HPSE2: variants seen among roughly 807,000 people sequenced by gnomAD.
HPSE2 encodes heparanase 2 (inactive).
A neutral mutation model predicts 60.5 loss-of-function variants in HPSE2; 38 were observed. The observed-to-expected ratio is 0.63, with a 90% CI of 0.48 to 0.82. The LOEUF (loss-of-function observed/expected upper bound fraction) is 0.82, where lower values mean the gene tolerates loss of function less well. HPSE2 is among the 40% of genes least tolerant of loss of function. The pLI is 0.00. For missense variants in HPSE2, 713 were observed against 740.4 expected, an observed-to-expected ratio of 0.96 and a Z score of 0.43; for synonymous variants, 295 against 293.2, an observed-to-expected ratio of 1.01 and a Z score of -0.06.
intron 7 of HPSE2, among the ~76,000 whole-genome samples, 191 bp downstream of exon 7, chr10:98,641,656 A>G (rs1946639991): frequency 6.6e-6 from 1 of 152,092 alleles, no homozygotes; most frequent in Admixed American, 6.6e-5. Flanking sequence ...GACCCTTTTC[A>G]ATTTGAAAAA....
intron 2 of HPSE2, among the ~76,000 whole-genome samples, chr10:99,202,661 T>C (rs1212875884): frequency 6.6e-6 from 1 of 152,096 alleles, no homozygotes; most frequent in Non-Finnish European, 1.5e-5. Context: ...GAGGATTAAA[T>C]GAGATAAAAT....
At chr10:99,027,831 T>G (rs903275582) in intron 3 of HPSE2, among the ~76,000 whole-genome samples, 3 of 152,210 alleles carry the variant, frequency 2.0e-5, no homozygotes, top group African/African-American at 7.2e-5. Flanking sequence ...AATTTATCCC[T>G]GGGATGCAAG....
At chr10:98,574,067 C>A (rs1481847324) in intron 9 of HPSE2, among the ~76,000 whole-genome samples, 1 of 151,940 alleles carries the variant, frequency 6.6e-6, no homozygotes, top group Non-Finnish European at 1.5e-5. Flanking sequence ...CCCCTCACGC[C>A]TAGGAAACTA....
intron 3 of HPSE2, among the ~76,000 whole-genome samples, chr10:99,105,065 A>T (rs1308374867): frequency 1.3e-5 from 2 of 151,836 alleles, no homozygotes; most frequent in African/African-American, 2.4e-5. Context: ...ATATAATAAA[A>T]AAAAAAAAAA....
At chr10:98,697,374 C>G (rs532285196) in intron 5 of HPSE2, among the ~76,000 whole-genome samples, 34 of 152,260 alleles carry the variant, frequency 2.2e-4, no homozygotes, top group African/African-American at 7.5e-4. Context: ...CAAGCATCAA[C>G]AGCCAAATCA....
At chr10:98,788,716 G>A (rs555868879) in intron 3 of HPSE2, among the ~76,000 whole-genome samples, 2 of 151,940 alleles carry the variant, frequency 1.3e-5, no homozygotes, top group South Asian at 2.1e-4. Context: ...TTCCAGGTGC[G>A]TCCGTCACCC....
chr10:98,946,977 CA>C (rs1278650117), intron 3 of HPSE2, among the ~76,000 whole-genome samples: 1 of 150,368 alleles, frequency 6.7e-6, no homozygotes, highest in Non-Finnish European at 1.5e-5. Flanking sequence ...TGTTAAAGTG[CA>C]ATACCAGAAA....
intron 8 of HPSE2, among the ~76,000 whole-genome samples, chr10:98,619,317 G>T (rs570515117): frequency 6.6e-6 from 1 of 152,310 alleles, no homozygotes; most frequent in African/African-American, 2.4e-5. Context: ...GTTTGTCCCT[G>T]CCACATGACA....
chr10:99,206,642 A>G (rs1000077457), intron 2 of HPSE2, among the ~76,000 whole-genome samples: 1 of 152,096 alleles, frequency 6.6e-6, no homozygotes, highest in Non-Finnish European at 1.5e-5. Flanking sequence ...TCCAGGGTCA[A>G]TGGTAAAAAG....
intron 3 of HPSE2, among the ~76,000 whole-genome samples, chr10:98,753,758 C>T (rs1210847594): frequency 6.6e-6 from 1 of 152,126 alleles, no homozygotes; most frequent in Non-Finnish European, 1.5e-5. Context: ...TGAGCCTCGG[C>T]CCCTGAAATC....
At chr10:99,072,586 T>C (rs1487351801) in intron 3 of HPSE2, among the ~76,000 whole-genome samples, 1 of 151,606 alleles carries the variant, frequency 6.6e-6, no homozygotes, top group Non-Finnish European at 1.5e-5. Flanking sequence ...GAAATGCAAA[T>C]CAAAACCATA....
chr10:99,216,400 G>A (rs1849128620), intron 2 of HPSE2, among the ~76,000 whole-genome samples: 1 of 151,954 alleles, frequency 6.6e-6, no homozygotes, highest in East Asian at 1.9e-4. Context: ...TCTCCATATT[G>A]GCCAGGCTTG....
intron 9 of HPSE2, among the ~76,000 whole-genome samples, chr10:98,539,036 C>T (rs1239086646): frequency 6.6e-6 from 1 of 152,212 alleles, no homozygotes; most frequent in African/African-American, 2.4e-5. Context: ...AATCAGAATA[C>T]TGTTCTCCAG....
At chr10:99,012,524 C>T (rs1440113917) in intron 3 of HPSE2, among the ~76,000 whole-genome samples, 1 of 151,836 alleles carries the variant, frequency 6.6e-6, no homozygotes. Context: ...CACCTAACAC[C>T]AATGCCAGTA....
chr10:98,590,386 G>A (rs1489012778), intron 9 of HPSE2, among the ~76,000 whole-genome samples: 10 of 152,202 alleles, frequency 6.6e-5, no homozygotes, highest in East Asian at 3.8e-4. Flanking sequence ...AGCTTGCACC[G>A]GAGCCAAGAT....
intron 2 of HPSE2, among the ~76,000 whole-genome samples, chr10:99,210,708 C>A (rs1337741803): frequency 6.6e-6 from 1 of 152,042 alleles, no homozygotes; most frequent in Admixed American, 6.6e-5. Context: ...AAGCATCTGA[C>A]AAAATTTTAT....
At chr10:99,039,012 C>T (rs1269903066) in intron 3 of HPSE2, among the ~76,000 whole-genome samples, 2 of 152,088 alleles carry the variant, frequency 1.3e-5, no homozygotes, top group African/African-American at 4.8e-5. Context: ...TTGGCAGCAA[C>T]AATACATTTT....
the HPSE2 span, among the ~76,000 whole-genome samples, chr10:99,290,398 T>C: frequency 1.2e-4 from 18 of 152,226 alleles, no homozygotes; most frequent in Non-Finnish European, 2.6e-4. Context: ...TAAGGCTTCC[T>C]AATGATGTCA....
chr10:98,965,352 T>C (rs1955786617), intron 3 of HPSE2, among the ~76,000 whole-genome samples: 1 of 152,098 alleles, frequency 6.6e-6, no homozygotes, highest in Admixed American at 6.6e-5. Flanking sequence ...TAGTTGGTAA[T>C]TGTGTGATCT....
Sources: gnomAD v4.1 joint callset for allele counts (sites outside exome capture counted in the v4.1 genomes callset) on GRCh38, gnomAD v4.1.1 for gene constraint, MANE v1.5 for transcripts, NCBI Gene and HGNC (gene_info 2026-07-23, HGNC 2026-07-21) for gene names.